Variants in CACNB2 observed in about 807,000 individuals in gnomAD.
CACNB2 encodes voltage-dependent L-type calcium channel subunit beta-2.
In CACNB2, 42 loss-of-function variants were observed where a neutral mutation model predicts 73.3. That is an observed-to-expected ratio of 0.57 (90% CI 0.45 to 0.74). The LOEUF (loss-of-function observed/expected upper bound fraction) is 0.74. Among genes scored for constraint, CACNB2 ranks in the 30% least tolerant of loss-of-function variants. The probability of loss-of-function intolerance (pLI) is 0.00; values close to 1 mark genes in which losing one functional copy is unlikely to be tolerated. For missense variants in CACNB2, 940 were observed against 853.0 expected (o/e 1.10, Z -1.27); for synonymous variants, 348 against 310.3 (o/e 1.12, Z -1.28).
At chr10:18,432,450 C>CTGTGTG (rs57188373) in intron 3 of CACNB2, among the ~76,000 whole-genome samples, 3 of 150,628 alleles carry the variant, frequency 2.0e-5, no homozygotes, top group Admixed American at 6.7e-5. Flanking sequence ...GTGTGTGTCT[C>CTGTGTG]TGTGTGTGTG....
At chr10:18,451,677 C>T (rs1325988) in intron 3 of CACNB2, among the ~76,000 whole-genome samples, 96,605 of 152,074 alleles carry the variant, frequency 0.64, 31,172 homozygotes, top group South Asian at 0.69. Flanking sequence ...CTTTTTGCTC[C>T]GCAGTTCCCT....
chr10:18,453,883 C>T (rs1276556239), intron 3 of CACNB2, among the ~76,000 whole-genome samples: 2 of 152,188 alleles, frequency 1.3e-5, no homozygotes, highest in East Asian at 1.9e-4. Context: ...CATTTGCCTG[C>T]CTGAGCCTCA....
chr10:18,247,494 A>G (rs1034139), intron 2 of CACNB2, among the ~76,000 whole-genome samples: 55,788 of 151,920 alleles, frequency 0.37, 11,274 homozygotes, highest in African/African-American at 0.55. Context: ...TGCCGGCTGG[A>G]TATAGGAAGA....
intron 3 of CACNB2, among the ~76,000 whole-genome samples, chr10:18,438,952 A>G (rs1227158634): frequency 6.6e-6 from 1 of 152,258 alleles, no homozygotes; most frequent in Non-Finnish European, 1.5e-5. Context: ...AGGGCACGGA[A>G]TAGAATGGCG....
intron 3 of CACNB2, among the ~76,000 whole-genome samples, chr10:18,497,084 C>T (rs897016556): frequency 2.0e-5 from 3 of 150,590 alleles, no homozygotes; most frequent in South Asian, 4.2e-4. Flanking sequence ...TGGTGGCTCA[C>T]GCCTATAATC....
At chr10:18,226,933 G>T (rs10828326) in intron 2 of CACNB2, among the ~76,000 whole-genome samples, 3 of 152,202 alleles carry the variant, frequency 2.0e-5, no homozygotes, top group African/African-American at 4.8e-5. Context: ...GAAAAAAAGT[G>T]GGGGAGGAGG....
intron 2 of CACNB2, among the ~76,000 whole-genome samples, chr10:18,200,316 T>A (rs1225637421): frequency 6.6e-6 from 1 of 151,890 alleles, no homozygotes; most frequent in African/African-American, 2.4e-5. Context: ...TGTGAAAGAA[T>A]TGAGGATATT....
intron 2 of CACNB2, among the ~76,000 whole-genome samples, chr10:18,212,308 G>C (rs1380086635): frequency 1.3e-5 from 2 of 152,116 alleles, no homozygotes; most frequent in Non-Finnish European, 2.9e-5. Flanking sequence ...CATTTTGTCA[G>C]TCTGATCCTC....
Position 18,538,235 on chromosome 10 carries a change from T to C in CACNB2, c.1358T>C (p.Leu453Pro). The C allele has an allele frequency of 1.2e-6, 2 of 1,614,126 alleles. No homozygotes were observed. Among genetic ancestry groups the C allele is most frequent in the Non-Finnish European group, 8.5e-7 (1 of 1,180,000 alleles). Residue 453 changes from leucine to proline, a missense_variant, in exon 13 of 14, where the codon CTT becomes CCT. By Grantham distance (98) the Leu-to-Pro change is moderately conservative. Coordinates refer to ENST00000324631, the MANE Select transcript of CACNB2 (RefSeq NM_201596.3). ...ENQLEDACEHLADYLEAYWKA... is the reference protein window; with the variant it reads ...ENQLEDACEHPADYLEAYWKA... ...CAGCTTGAGGATGCCTGTGAGCACC[T>C]TGCCGACTATCTGGAGGCCTACTGG... is the stretch of plus-strand genomic sequence containing the variant.
intron 2 of CACNB2, among the ~76,000 whole-genome samples, chr10:18,289,627 A>G (rs937869219): frequency 6.6e-6 from 1 of 151,976 alleles, no homozygotes; most frequent in Non-Finnish European, 1.5e-5. Flanking sequence ...GATTTTTAAA[A>G]ATGTAAAATA....
intron 2 of CACNB2, among the ~76,000 whole-genome samples, chr10:18,372,136 T>C (rs1207657828): frequency 6.6e-6 from 1 of 152,220 alleles, no homozygotes; most frequent in Non-Finnish European, 1.5e-5. Context: ...GCAAAAATTT[T>C]CTCCCATTCT....
intron 2 of CACNB2, among the ~76,000 whole-genome samples, chr10:18,332,817 A>G (rs1331222222): frequency 4.6e-5 from 7 of 152,214 alleles, no homozygotes; most frequent in Non-Finnish European, 5.9e-5. Context: ...TTTAACTACT[A>G]TAGAACATAA....
At chr10:18,206,456 C>T (rs889745743) in intron 2 of CACNB2, 1 of 152,456 alleles carries the variant, frequency 6.6e-6, no homozygotes, top group Non-Finnish European at 1.5e-5. Flanking sequence ...TGTATTGTGT[C>T]ACATGGAGCC....
chr10:18,187,235 C>T lies in CACNB2; in HGVS notation c.213+36260C>T, dbSNP rs142181776. On this transcript the variant is annotated intron_variant, in intron 2 of 13. Coordinates refer to ENST00000324631, the MANE Select transcript of CACNB2 (RefSeq NM_201596.3). ...GTGGGGTTAACTGAGAAGAACCTAC[C>T]GTGGGGATGGCAGCTAGGAGAACCT... Among the ~76,000 whole-genome samples, 6 of 152,146 alleles carry T rather than the reference C, an allele frequency of 3.9e-5. No homozygotes were observed. In the East Asian group the frequency reaches 5.8e-4, roughly 15 times the overall value.
At chr10:18,293,427 C>T (rs924417771) in intron 2 of CACNB2, among the ~76,000 whole-genome samples, 12 of 152,140 alleles carry the variant, frequency 7.9e-5, no homozygotes, top group African/African-American at 2.4e-4. Context: ...AGAAAAGAGT[C>T]GTTTCAGAAG....
At chr10:18,466,655 C>T (rs1042425367) in intron 3 of CACNB2, among the ~76,000 whole-genome samples, 8 of 152,138 alleles carry the variant, frequency 5.3e-5, no homozygotes, top group African/African-American at 1.4e-4. Flanking sequence ...ATTGTAGATA[C>T]TAGCAATTTC....
intron 2 of CACNB2, among the ~76,000 whole-genome samples, chr10:18,392,176 C>T (rs1016770071): frequency 6.6e-6 from 1 of 151,642 alleles, no homozygotes; most frequent in African/African-American, 2.4e-5. Context: ...AGGTTAGAGC[C>T]GAAAGAAGGG....
intron 3 of CACNB2, among the ~76,000 whole-genome samples, chr10:18,429,329 G>A (rs543618969): frequency 1.2e-4 from 19 of 152,156 alleles, no homozygotes; most frequent in African/African-American, 3.6e-4. Flanking sequence ...TCTGTCTTTG[G>A]TGTGGTGTCA....
chr10:18,352,972 ATAT>A (rs2041771175), intron 2 of CACNB2, among the ~76,000 whole-genome samples: 1 of 152,206 alleles, frequency 6.6e-6, no homozygotes, highest in Admixed American at 6.5e-5. Context: ...TATTCATGAA[ATAT>A]TATGTCTGGT....
Sources: gnomAD v4.1 joint callset for allele counts (sites outside exome capture counted in the v4.1 genomes callset) on GRCh38, gnomAD v4.1.1 for gene constraint, MANE v1.5 for transcripts, NCBI Gene and HGNC (gene_info 2026-07-23, HGNC 2026-07-21) for gene names.